The following NDUFS2 variants were observed in gnomAD, a reference collection of about 807,000 sequenced individuals.
NDUFS2 encodes NADH dehydrogenase [ubiquinone] iron-sulfur protein 2, mitochondrial.
Under a neutral mutation model 69.6 loss-of-function variants are expected in NDUFS2, and 38 were observed. That is an observed-to-expected ratio of 0.55 (90% CI 0.42 to 0.72). The LOEUF (loss-of-function observed/expected upper bound fraction) is 0.72, where lower values mean the gene tolerates loss of function less well. Among genes scored for constraint, NDUFS2 ranks in the 30% least tolerant of loss-of-function variants. The pLI is 0.00. For synonymous variants in NDUFS2, 194 were observed against 211.2 expected, an observed-to-expected ratio of 0.92 and a Z score of 0.70; for missense variants, 468 against 595.0, an observed-to-expected ratio of 0.79 and a Z score of 2.22.
chr1:161,199,694 T>C (rs1478400694), upstream of NDUFS2, among the ~76,000 whole-genome samples: 1 of 152,064 alleles, frequency 6.6e-6, no homozygotes, highest in Non-Finnish European at 1.5e-5. Context: ...GGAATGAACA[T>C]AACAGAGGCG....
chr1:161,210,168 C>T lies in NDUFS2; in HGVS notation c.760C>T (p.Arg254Trp). Reference protein sequence around the residue: ...IYQFSKNFSLRLDELEELLTN... With the variant: ...IYQFSKNFSLWLDELEELLTN... The stretch of plus-strand genomic sequence containing the variant: ...TCAGTTTTCTAAGAACTTCTCTCTT[C>T]GGCTTGATGAGTTGGAGGAGGTAAG... Residue 254 changes from arginine (R) to tryptophan (W), a missense_variant, in exon 7 of 14, where the codon CGG (arginine) becomes TGG (tryptophan). Around this residue, in one of 3 missense-constraint regions of NDUFS2, gnomAD observed 339 missense variants for 433.8 expected, o/e 0.78. Transcript: ENST00000676972. 23 of 1,614,100 alleles carry T rather than the reference C, an allele frequency of 1.4e-5. No individual in the cohort carries two copies. The highest frequency in any genetic ancestry group is 1.9e-5 in the Non-Finnish European group (22 of 1,180,030).
intron 7 of NDUFS2, 40 bp from the exon 8 acceptor site, chr1:161,210,264 T>A (rs368115251): frequency 2.5e-4 from 399 of 1,609,852 alleles, no homozygotes; most frequent in Non-Finnish European, 3.3e-4. Context: ...TTGAAGAGTG[T>A]GAGGAAGAGT....
chr1:161,213,320 G>A (rs1262403160), intron 10 of NDUFS2, 60 bp from the exon 11 acceptor site: 2 of 1,085,452 alleles, frequency 1.8e-6, no homozygotes, highest in Admixed American at 1.9e-5. Flanking sequence ...TGTGCTGGGG[G>A]AGGCCTAGGA....
At chr1:161,209,973 TATTTTCCC>T in intron 6 of NDUFS2, 42 bp downstream of exon 6, 1 of 1,611,812 alleles carries the variant, frequency 6.2e-7, no homozygotes, top group Non-Finnish European at 8.5e-7. Flanking sequence ...AGCCCAGGCC[TATTTTCCC>T]TGTGGCCACT....
intron 8 of NDUFS2, 83 bp downstream of exon 8, chr1:161,210,472 G>C: frequency 6.2e-7 from 1 of 1,603,532 alleles, no homozygotes; most frequent in Non-Finnish European, 8.5e-7. Flanking sequence ...TTGAAGACTT[G>C]TTGGCATCCT....
chr1:161,206,754 G>A (rs1665491989), intron 3 of NDUFS2, among the ~76,000 whole-genome samples, 157 bp downstream of exon 3: 1 of 152,204 alleles, frequency 6.6e-6, no homozygotes, highest in South Asian at 2.1e-4. Flanking sequence ...GGAAGTGGCA[G>A]GGGATGCTTG....
upstream of NDUFS2, chr1:161,198,403 C>T (rs576949190): frequency 4.7e-5 from 75 of 1,607,406 alleles, 1 homozygote; most frequent in South Asian, 5.0e-4. The surrounding 1 kb of genome is among the most constrained non-coding windows in gnomAD (Gnocchi z 4.7). Context: ...CAGGGGCGCC[C>T]GAGCCAGGCA....
At position 161,214,214 on chromosome 1, in the gene NDUFS2, C is replaced by G. The variant is rs763432532; in HGVS notation, c.*21C>G. 1.2e-6 allele frequency: 2 copies of G among 1,602,222 alleles called. No homozygotes were observed. Among genetic ancestry groups the G allele is most frequent in the Admixed American group, 3.3e-5 (2 of 59,974 alleles). On this transcript the variant is annotated 3_prime_UTR_variant, in exon 14 of 14. Coordinates refer to ENST00000676972, the MANE Select transcript of NDUFS2 (RefSeq NM_001377299.1). ...GGTGAGCAGGGGAGCAGCGTTTGATCCCCCCTGCCTATCAGCTTCTTCTGT... is the reference window on the plus strand; with the variant it reads ...GGTGAGCAGGGGAGCAGCGTTTGATGCCCCCTGCCTATCAGCTTCTTCTGT...
intron 3 of NDUFS2, 62 bp downstream of exon 3, chr1:161,206,659 C>T (rs552279264): frequency 1.3e-6 from 2 of 1,557,638 alleles, no homozygotes; most frequent in East Asian, 4.6e-5. Flanking sequence ...TGGGGCTTTG[C>T]CAGTTTGCTG....
intron 1 of NDUFS2, among the ~76,000 whole-genome samples, chr1:161,202,802 GAACA>G (rs1665218925): frequency 6.6e-6 from 1 of 152,156 alleles, no homozygotes; most frequent in South Asian, 2.1e-4. Context: ...CGTTGACCTT[GAACA>G]AACACTTTTC....
chr1:161,202,012 C>G (rs1665151573), upstream of NDUFS2: 1 of 385,916 alleles, frequency 2.6e-6, no homozygotes, highest in Non-Finnish European at 5.0e-6. Context: ...AGGACTAAAG[C>G]ATGAGGGCGG....
upstream of NDUFS2, among the ~76,000 whole-genome samples, chr1:161,200,699 G>C (rs1188826728): frequency 1.1e-4 from 17 of 152,120 alleles, no homozygotes; most frequent in African/African-American, 4.1e-4. Context: ...AACGGGGCTG[G>C]GACTAGAGGA....
intron 1 of NDUFS2, 41 bp downstream of exon 1, chr1:161,202,521 T>C: frequency 3.2e-6 from 5 of 1,572,034 alleles, no homozygotes; most frequent in Non-Finnish European, 4.3e-6. Flanking sequence ...TCTCCAAGGC[T>C]AGGGTTTCTC....
chr1:161,202,617 T>A (rs1471566088), intron 1 of NDUFS2, 137 bp downstream of exon 1: 4 of 956,930 alleles, frequency 4.2e-6, no homozygotes, highest in Non-Finnish European at 6.4e-6. Context: ...GGCTACGGGA[T>A]GCAGTGGCGC....
chr1:161,198,884 C>A, upstream of NDUFS2: 1 of 436,202 alleles, frequency 2.3e-6, no homozygotes, highest in Non-Finnish European at 4.1e-6. The surrounding 1 kb of genome is among the most constrained non-coding windows in gnomAD (Gnocchi z 4.7). Context: ...TTGTCTCTCC[C>A]TGCCTGTGTC....
At chr1:161,209,725 T>A in intron 5 of NDUFS2, 130 bp downstream of exon 5, 1 of 1,265,284 alleles carries the variant, frequency 7.9e-7, no homozygotes, top group African/African-American at 1.5e-5. Context: ...TATGTTTAAC[T>A]TGGGTTATAT....
rs1401549494 is a variant in NDUFS2, at chr1:161,213,610, T to C, written c.1213-39T>C. 4.4e-6 allele frequency: 7 copies of C among 1,603,520 alleles called. No individual in the cohort carries two copies. In the Admixed American group the frequency reaches 1.0e-4, roughly 23 times the overall value. ...TTTTGTTGGCAGAGAAAAATACTCT[T>C]CATGTTAATACAGACACCCAACCTT... On this transcript the variant is annotated intron_variant, in intron 11 of 13. Coordinates refer to ENST00000676972, the MANE Select transcript of NDUFS2 (RefSeq NM_001377299.1).
chr1:161,201,163 A>G (rs1665100251), upstream of NDUFS2, among the ~76,000 whole-genome samples: 1 of 152,242 alleles, frequency 6.6e-6, no homozygotes, highest in Non-Finnish European at 1.5e-5. Context: ...TGCCTTGTCT[A>G]GCCCAGGTCC....
At chr1:161,201,752 C>A (rs548726323), upstream of NDUFS2, among the ~76,000 whole-genome samples, 1 of 152,308 alleles carries the variant, frequency 6.6e-6, no homozygotes, top group South Asian at 2.1e-4. Context: ...GTGGCTCCTA[C>A]ACACCCCGAC....
Sources: gnomAD v4.1 joint callset for allele counts (sites outside exome capture counted in the v4.1 genomes callset) on GRCh38, gnomAD v4.1.1 for gene constraint, gnomAD v4.1.1 regional missense constraint, Gnocchi (gnomAD v3.1) non-coding constraint, MANE v1.5 for transcripts, NCBI Gene and HGNC (gene_info 2026-07-23, HGNC 2026-07-21) for gene names.